FRYL: variants seen among roughly 807,000 people sequenced by gnomAD.
FRYL encodes protein furry homolog-like.
Under a neutral mutation model 351.2 loss-of-function variants are expected in FRYL, and 150 were observed. That is an observed-to-expected ratio of 0.43 (90% CI 0.37 to 0.49). The LOEUF (loss-of-function observed/expected upper bound fraction) is 0.49. Ranked by LOEUF, FRYL falls within the 20% of genes least tolerant of loss-of-function variation. The pLI is 0.00. For missense variants in FRYL, 3,036 were observed against 3,619.3 expected, an observed-to-expected ratio of 0.84 and a Z score of 4.13; for synonymous variants, 1,153 against 1,257.1, an observed-to-expected ratio of 0.92 and a Z score of 1.75.
In FRYL at chr4:48,716,452, G is replaced by A. The variant is rs1368960807; in HGVS notation, c.-383-5754C>T. Among the ~76,000 whole-genome samples, 8 of 151,560 alleles carry A rather than the reference G, an allele frequency of 5.3e-5. 1 individual carries two copies. In the East Asian group the frequency reaches 7.8e-4, roughly 15 times the overall value. ...AAGAAAAAAACAAACAACCCCGTCA[G>A]AAAGTGGGCGAAGGACATGAACAGA... On this transcript the variant is annotated intron_variant, in intron 1 of 63. Transcript: ENST00000358350.
At chr4:48,537,494 C>T (rs547513826) in intron 47 of FRYL, among the ~76,000 whole-genome samples, 2 of 152,230 alleles carry the variant, frequency 1.3e-5, no homozygotes, top group African/African-American at 4.8e-5. Flanking sequence ...AACAGTAGAA[C>T]TAGGGATATT....
chr4:48,689,293 A>C (rs1166899887), intron 2 of FRYL, among the ~76,000 whole-genome samples: 1 of 152,240 alleles, frequency 6.6e-6, no homozygotes, highest in African/African-American at 2.4e-5. Flanking sequence ...TCATTAAATC[A>C]AATGAAAACA....
chr4:48,696,417 T>C (rs1350235104), intron 2 of FRYL, among the ~76,000 whole-genome samples: 1 of 151,994 alleles, frequency 6.6e-6, no homozygotes, highest in African/African-American at 2.4e-5. Context: ...CTCAACAAAC[T>C]AACACAAGAA....
chr4:48,586,717 T>G lies in FRYL; in HGVS notation c.1652A>C (p.Lys551Thr). 6.2e-7 allele frequency: 1 copy of G among 1,604,316 alleles called. No individual in the cohort carries two copies. Among genetic ancestry groups the G allele is most frequent in the Non-Finnish European group, 8.5e-7 (1 of 1,174,186 alleles). The change falls in exon 19 of 64, where the codon AAA (lysine) becomes ACA (threonine). Residue 551 changes from lysine to threonine, a missense_variant. Physicochemically the swap from Lys to Thr is moderately conservative, Grantham distance 78 (BLOSUM62 -1). Coordinates refer to ENST00000358350, the MANE Select transcript of FRYL (RefSeq NM_015030.2). ...EPEDMITGERKPKIDLFRTCI... is the reference protein window; with the variant it reads ...EPEDMITGERTPKIDLFRTCI... Reference sequence around the variant, plus strand: ...AGTTCTAAACAAATCAATCTTGGGTTTTCTTTCCCCCCTGAAAAATACAAC... The same window carrying G: ...AGTTCTAAACAAATCAATCTTGGGTGTTCTTTCCCCCCTGAAAAATACAAC...
intron 7 of FRYL, among the ~76,000 whole-genome samples, chr4:48,613,629 GA>G (rs1748697839): frequency 6.6e-6 from 1 of 152,142 alleles, no homozygotes; most frequent in African/African-American, 2.4e-5. Context: ...TACTTCTCTA[GA>G]ATATACTATG....
intron 1 of FRYL, among the ~76,000 whole-genome samples, chr4:48,713,831 C>A (rs1332653115): frequency 1.3e-5 from 2 of 152,126 alleles, no homozygotes; most frequent in Non-Finnish European, 2.9e-5. Context: ...TTTTTCAGCA[C>A]CACACCACAT....
chr4:48,626,598 T>C (rs1262051310), intron 4 of FRYL, among the ~76,000 whole-genome samples: 1 of 152,086 alleles, frequency 6.6e-6, no homozygotes, highest in Non-Finnish European at 1.5e-5. Context: ...ATAAGAGATG[T>C]TTGTGATTAT....
At chr4:48,631,402 T>C (rs1752925409) in intron 4 of FRYL, among the ~76,000 whole-genome samples, 2 of 152,206 alleles carry the variant, frequency 1.3e-5, no homozygotes, top group Admixed American at 6.5e-5. Context: ...CATCAGGCTA[T>C]TCTGAAAGAA....
intron 1 of FRYL, among the ~76,000 whole-genome samples, chr4:48,737,250 T>A (rs1578878676): frequency 1.8e-5 from 2 of 109,176 alleles, no homozygotes; most frequent in African/African-American, 7.0e-5. Flanking sequence ...AGAGCGAGAC[T>A]CCATCACAGA....
chr4:48,769,775 G>A (rs1166203225), intron 1 of FRYL, among the ~76,000 whole-genome samples: 1 of 152,200 alleles, frequency 6.6e-6, no homozygotes, highest in African/African-American at 2.4e-5. Context: ...GAGTGAGACA[G>A]GTTGGATGGT....
chr4:48,613,095 T>C (rs548890108), intron 7 of FRYL, among the ~76,000 whole-genome samples: 1 of 152,356 alleles, frequency 6.6e-6, no homozygotes, highest in Non-Finnish European at 1.5e-5. Context: ...TGAACTATCT[T>C]GGGGATAAGA....
At chr4:48,568,427 A>T (rs1737354179) in intron 27 of FRYL, among the ~76,000 whole-genome samples, 1 of 152,236 alleles carries the variant, frequency 6.6e-6, no homozygotes, top group Non-Finnish European at 1.5e-5. Flanking sequence ...TGTTTTAGTA[A>T]GGATGTAAAT....
chr4:48,535,822 A>G lies in FRYL; in HGVS notation c.6399T>C (p.Cys2133=), dbSNP rs777281729. Residue 2133 remains cysteine (C), a synonymous_variant, in exon 48 of 64, where the codon TGT becomes TGC. Transcript: ENST00000358350. Reference sequence around the variant, plus strand: ...CAAGTGTTGGGCATTTTTCTTCTGCACAAACCTAGAAAACAAATAAAATTA... The same window carrying G: ...CAAGTGTTGGGCATTTTTCTTCTGCGCAAACCTAGAAAACAAATAAAATTA... ...KETASRIAKV[C]AEEKCPTLVN... 5 of 1,518,978 alleles carry G rather than the reference A, an allele frequency of 3.3e-6. No homozygotes were observed. Among genetic ancestry groups the G allele is most frequent in the Non-Finnish European group, 4.4e-6 (5 of 1,130,146 alleles). 94.1% of individuals were successfully genotyped at this position (1,518,978 alleles called of 1,614,324 possible). A position where few individuals can be genotyped will look rare whatever the true frequency, so the allele number is the denominator to read the frequency against.
chr4:48,561,426 T>C, intron 33 of FRYL, 42 bp downstream of exon 33: 1 of 1,292,390 alleles, frequency 7.7e-7, no homozygotes, highest in Non-Finnish European at 1.0e-6. Context: ...TCTGAAGAAA[T>C]GATTGACAAA....
Position 48,542,141 on chromosome 4 carries a change from T to C in FRYL, c.5593-20A>G, listed in dbSNP as rs766031745. 4 of 1,529,530 alleles carry C rather than the reference T, an allele frequency of 2.6e-6. No individual in the cohort carries two copies. Among genetic ancestry groups the C allele is most frequent in the Non-Finnish European group, 3.6e-6 (4 of 1,103,264 alleles). 94.7% of individuals were successfully genotyped at this position (1,529,530 alleles called of 1,614,324 possible). On this transcript the variant is annotated intron_variant, in intron 44 of 63. Transcript: ENST00000358350. ...AAATCCCTGGGGGGAAAAAGGCAGA[T>C]TTTAATTAATTATGCTCTGGAATAA...
rs1286539149 is a variant in FRYL at position 48,523,068 on chromosome 4, T to A, written c.7354A>T (p.Arg2452Trp). Residue 2452 changes from arginine to tryptophan, a missense_variant, in exon 54 of 64, where the codon AGG becomes TGG. Physicochemically the swap from Arg to Trp is moderately radical, Grantham distance 101. Coordinates refer to ENST00000358350, the MANE Select transcript of FRYL (RefSeq NM_015030.2). ...TTGTCAATACTGTCCAGTGAGCGCCTGCGAACTCCCCAGTTGAAATTGTCC... is the reference window on the plus strand; with the variant it reads ...TTGTCAATACTGTCCAGTGAGCGCCAGCGAACTCCCCAGTTGAAATTGTCC... ...SMDNFNWGVR[R>W]RSLDSIDKGD... is the part of the protein sequence containing the mutation. 6.2e-7 allele frequency: 1 copy of A among 1,613,698 alleles called. No individual in the cohort carries two copies. The highest frequency in any genetic ancestry group is 1.3e-5 in the African/African-American group (1 of 74,862).
chr4:48,676,562 T>G (rs1024560718), intron 3 of FRYL, among the ~76,000 whole-genome samples: 1 of 151,854 alleles, frequency 6.6e-6, no homozygotes, highest in African/African-American at 2.4e-5. Context: ...TTTTTTTTTT[T>G]TTGTATTTTT....
chr4:48,727,169 ATAATACTG>A (rs1381393619), intron 1 of FRYL, among the ~76,000 whole-genome samples: 1 of 152,306 alleles, frequency 6.6e-6, no homozygotes, highest in East Asian at 1.9e-4. Flanking sequence ...ACTAAAACTT[ATAATACTG>A]TTTGCCTCCA....
intron 37 of FRYL, 72 bp from the exon 38 acceptor site, chr4:48,550,776 T>C (rs996140415): frequency 4.3e-6 from 5 of 1,163,622 alleles, no homozygotes; most frequent in Non-Finnish European, 5.2e-6. Context: ...TTTCACTTTC[T>C]CTGTTTAAAA....
Sources: gnomAD v4.1 joint callset for allele counts (sites outside exome capture counted in the v4.1 genomes callset) on GRCh38, gnomAD v4.1.1 for gene constraint, MANE v1.5 for transcripts, NCBI Gene and HGNC (gene_info 2026-07-23, HGNC 2026-07-21) for gene names.